PTPRT: variants seen among roughly 807,000 people sequenced by gnomAD.
The protein encoded by PTPRT is protein tyrosine phosphatase receptor type T, also known as receptor-type tyrosine-protein phosphatase T.
A neutral mutation model predicts 176.8 loss-of-function variants in PTPRT; 56 were observed. The ratio of observed to expected loss-of-function variants is 0.32; its 90% confidence interval spans 0.26 to 0.40. The LOEUF (loss-of-function observed/expected upper bound fraction) is 0.40, where lower values mean the gene tolerates loss of function less well. Ranked by LOEUF, PTPRT falls within the 10% of genes least tolerant of loss-of-function variation. The pLI, the probability that PTPRT is intolerant of heterozygous loss-of-function variation, is 1.00. For missense variants in PTPRT, 1,540 were observed against 1,908.2 expected (o/e 0.81, Z 3.60); for synonymous variants, 783 against 739.0 (o/e 1.06, Z -0.96).
At chr20:42,471,718 C>T (rs998808139) in intron 8 of PTPRT, among the ~76,000 whole-genome samples, 2 of 151,948 alleles carry the variant, frequency 1.3e-5, no homozygotes, top group East Asian at 1.9e-4. Flanking sequence ...TGCAATGGTG[C>T]GATCTCGGCT....
intron 6 of PTPRT, among the ~76,000 whole-genome samples, chr20:42,711,952 C>G (rs2076150884): frequency 6.6e-6 from 1 of 152,054 alleles, no homozygotes; most frequent in South Asian, 2.1e-4. Context: ...GCCCATGACT[C>G]TCATTCACTG....
At chr20:42,704,924 G>A (rs191950711) in intron 6 of PTPRT, among the ~76,000 whole-genome samples, 27 of 152,160 alleles carry the variant, frequency 1.8e-4, no homozygotes, top group African/African-American at 4.6e-4. Context: ...AATAACATGC[G>A]GCCGGGCGTG....
At chr20:42,560,669 C>T (rs1287967663) in intron 7 of PTPRT, among the ~76,000 whole-genome samples, 2 of 152,136 alleles carry the variant, frequency 1.3e-5, no homozygotes, top group African/African-American at 4.8e-5. Context: ...TAAGTGAATA[C>T]TAGTATATGT....
At chr20:42,885,317 A>T (rs1462649157) in intron 2 of PTPRT, among the ~76,000 whole-genome samples, 1 of 147,726 alleles carries the variant, frequency 6.8e-6, no homozygotes, top group Non-Finnish European at 1.5e-5. Flanking sequence ...CCCTAAGTAT[A>T]TAAAATATAT....
intron 2 of PTPRT, among the ~76,000 whole-genome samples, chr20:42,854,332 C>T (rs151076956): frequency 1.6e-3 from 248 of 152,328 alleles, no homozygotes; most frequent in African/African-American, 5.7e-3. Context: ...ATCCTATTCA[C>T]GCATGGTTTA....
chr20:42,590,286 G>A lies in PTPRT; in HGVS notation c.1153+87580C>T, dbSNP rs554019356. Reference sequence around the variant, plus strand: ...CTGTCTTATGCAACCACAGGAAGGAGCCCCCAAATGAAGCCACCTACCTGA... The same window carrying A: ...CTGTCTTATGCAACCACAGGAAGGAACCCCCAAATGAAGCCACCTACCTGA... On this transcript the variant is annotated intron_variant, in intron 7 of 30. Coordinates refer to ENST00000373187, the MANE Select transcript of PTPRT (RefSeq NM_007050.6). 3.9e-5 allele frequency among the ~76,000 whole-genome samples: 6 copies of A among 152,146 alleles called. No homozygotes were observed. The East Asian group carries it at 1.2e-3, about 29-fold the overall frequency.
intron 9 of PTPRT, among the ~76,000 whole-genome samples, chr20:42,408,259 A>C (rs983685035): frequency 4.7e-4 from 71 of 152,170 alleles, no homozygotes; most frequent in Non-Finnish European, 2.4e-4. Flanking sequence ...AAGTAAATAA[A>C]ATTGTATATT....
intron 16 of PTPRT, among the ~76,000 whole-genome samples, chr20:42,190,446 G>A (rs1460094578): frequency 6.6e-6 from 1 of 152,122 alleles, no homozygotes; most frequent in Non-Finnish European, 1.5e-5. Flanking sequence ...TAACCTCTTA[G>A]TTCATCTACC....
At chr20:42,713,931 T>C (rs1365017562) in intron 6 of PTPRT, among the ~76,000 whole-genome samples, 2 of 152,186 alleles carry the variant, frequency 1.3e-5, no homozygotes, top group African/African-American at 2.4e-5. Context: ...TAGCAGGTGA[T>C]AGCATTACGT....
intron 1 of PTPRT, among the ~76,000 whole-genome samples, chr20:43,071,092 G>C (rs1013121602): frequency 1.3e-5 from 2 of 152,182 alleles, no homozygotes; most frequent in East Asian, 3.9e-4. Flanking sequence ...GGCAAGGAGG[G>C]ACCAAATCTG....
chr20:42,208,527 A>G (rs1359917966), intron 15 of PTPRT, among the ~76,000 whole-genome samples: 1 of 152,062 alleles, frequency 6.6e-6, no homozygotes, highest in African/African-American at 2.4e-5. Flanking sequence ...TAAACCAACA[A>G]AGATCAAAAG....
chr20:42,467,859 TGG>T (rs2071126371), intron 8 of PTPRT, among the ~76,000 whole-genome samples: 1 of 152,198 alleles, frequency 6.6e-6, no homozygotes, highest in Non-Finnish European at 1.5e-5. Flanking sequence ...AATAAAATCT[TGG>T]GCTAAAGGAG....
chr20:42,847,549 G>A (rs569580828), intron 2 of PTPRT, among the ~76,000 whole-genome samples: 1 of 152,322 alleles, frequency 6.6e-6, no homozygotes, highest in East Asian at 1.9e-4. Flanking sequence ...CTCAAGGCAC[G>A]AGATGTTGCT....
chr20:42,225,092 C>T (rs371409189), intron 15 of PTPRT, among the ~76,000 whole-genome samples: 14 of 152,158 alleles, frequency 9.2e-5, no homozygotes, highest in East Asian at 3.9e-4. Flanking sequence ...GATATCACCA[C>T]GGGTGGATGC....
intron 18 of PTPRT, among the ~76,000 whole-genome samples, chr20:42,136,873 T>C (rs1988403994): frequency 1.3e-5 from 2 of 152,114 alleles, no homozygotes. Context: ...CAAGTTGCCA[T>C]TGTAGCAAGT....
chr20:42,410,938 G>C (rs1196614749), intron 9 of PTPRT, among the ~76,000 whole-genome samples: 1 of 152,028 alleles, frequency 6.6e-6, no homozygotes, highest in African/African-American at 2.4e-5. Context: ...AGTACTTAGA[G>C]GTAAATTTAT....
intron 11 of PTPRT, among the ~76,000 whole-genome samples, chr20:42,339,005 C>A (rs1041568257): frequency 6.6e-6 from 1 of 152,172 alleles, no homozygotes; most frequent in Admixed American, 6.6e-5. Flanking sequence ...TCCAACCCAG[C>A]TGAGTGACGC....
rs567344276 is a variant in PTPRT, at chr20:42,589,949, A to G, written c.1153+87917T>C. On this transcript the variant is annotated intron_variant, in intron 7 of 30. Transcript: ENST00000373187. ...TGTGATCTTGTCACTCCCCACCAGG[A>G]GGTGGAGTTTATGTCCCCTCCTCTG... Among the ~76,000 whole-genome samples, 3 of 152,218 alleles carry G rather than the reference A, an allele frequency of 2.0e-5. No individual in the cohort carries two copies. The East Asian group carries it at 5.8e-4, about 29-fold the overall frequency.
At chr20:42,757,176 G>A (rs925561142) in intron 5 of PTPRT, among the ~76,000 whole-genome samples, 2 of 152,028 alleles carry the variant, frequency 1.3e-5, no homozygotes, top group Non-Finnish European at 2.9e-5. Flanking sequence ...GGTAAGAAGA[G>A]AGGAAAAAGG....
Sources: allele counts gnomAD v4.1 joint callset (sites outside exome capture counted in the v4.1 genomes callset), GRCh38; gene constraint gnomAD v4.1.1; transcripts MANE v1.5; gene names NCBI Gene and HGNC (gene_info 2026-07-23, HGNC 2026-07-21).